Variants in CMTM8 observed in about 807,000 individuals in gnomAD.
The protein encoded by CMTM8 is CKLF-like MARVEL transmembrane domain-containing protein 8.
CMTM8 carries 12 observed loss-of-function variants against 18.6 expected under a neutral mutation model. The ratio of observed to expected loss-of-function variants is 0.65; its 90% CI spans 0.41 to 1.05. The LOEUF (loss-of-function observed/expected upper bound fraction) is 1.05, where lower values mean the gene tolerates loss of function less well. Among genes scored for constraint, CMTM8 ranks in the 50% least tolerant of loss-of-function variants. The pLI is 0.00. For missense variants in CMTM8, 217 were observed against 227.2 expected, an observed-to-expected ratio of 0.95 and a Z score of 0.29; for synonymous variants, 87 against 90.6, an observed-to-expected ratio of 0.96 and a Z score of 0.23.
intron 1 of CMTM8, among the ~76,000 whole-genome samples, chr3:32,281,940 C>T (rs1333230765): frequency 6.6e-6 from 1 of 152,146 alleles, no homozygotes; most frequent in East Asian, 1.9e-4. Flanking sequence ...CCTTATCTCC[C>T]CAACTGTAAA....
intron 1 of CMTM8, among the ~76,000 whole-genome samples, chr3:32,286,409 C>T (rs1054472140): frequency 6.6e-6 from 1 of 152,158 alleles, no homozygotes; most frequent in Non-Finnish European, 1.5e-5. Context: ...TTTTGGCAAG[C>T]TCCTTCTCCA....
At chr3:32,323,110 G>A (rs9845050) in intron 1 of CMTM8, among the ~76,000 whole-genome samples, 3,026 of 152,306 alleles carry the variant, frequency 0.02, 119 homozygotes, top group African/African-American at 0.069. Flanking sequence ...ATATTCAGAT[G>A]CTTTGGTGGC....
intron 1 of CMTM8, among the ~76,000 whole-genome samples, chr3:32,334,913 A>G (rs115761380): frequency 0.017 from 2,611 of 152,030 alleles, 34 homozygotes; most frequent in South Asian, 0.045. Context: ...GCCAACTCCT[A>G]CCTTCCAGAA....
At chr3:32,281,813 A>G (rs922135471) in intron 1 of CMTM8, among the ~76,000 whole-genome samples, 2 of 152,144 alleles carry the variant, frequency 1.3e-5, no homozygotes, top group Non-Finnish European at 2.9e-5. Flanking sequence ...ACATTGACAC[A>G]GTTGACCCCT....
At position 32,357,536 on chromosome 3, in the gene CMTM8, G is replaced by C; in HGVS notation, c.311G>C (p.Trp104Ser). Residue 104 changes from tryptophan (W) to serine (S), a missense_variant, in exon 2 of 4, where the codon TGG becomes TCG. Transcript: ENST00000307526. Reference sequence around the variant, plus strand: ...TACACCAGGATTCCCCAGGTGCCCTGGACAACAGTGGTAAGGAAGCTGTGG... The same window carrying C: ...TACACCAGGATTCCCCAGGTGCCCTCGACAACAGTGGTAAGGAAGCTGTGG... ...MTYTRIPQVP[W>S]TTVGLCFNGS... 1.9e-6 allele frequency: 3 copies of C among 1,614,036 alleles called. No individual in the cohort carries two copies. Among genetic ancestry groups the C allele is most frequent in the Non-Finnish European group, 2.5e-6 (3 of 1,179,950 alleles).
At chr3:32,252,508 A>T (rs1702125292) in intron 1 of CMTM8, among the ~76,000 whole-genome samples, 1 of 152,190 alleles carries the variant, frequency 6.6e-6, no homozygotes, top group African/African-American at 2.4e-5. Context: ...GGAATGTTGT[A>T]TCTCTTCATT....
intron 1 of CMTM8, among the ~76,000 whole-genome samples, chr3:32,355,088 C>A (rs946572469): frequency 1.3e-5 from 2 of 152,192 alleles, no homozygotes; most frequent in South Asian, 4.1e-4. Context: ...TGCTCCCTGG[C>A]ACAGGCACCA....
intron 1 of CMTM8, among the ~76,000 whole-genome samples, chr3:32,313,305 G>T (rs1695855642): frequency 6.6e-6 from 1 of 152,108 alleles, no homozygotes; most frequent in African/African-American, 2.4e-5. Context: ...ACAGGGTGGG[G>T]CCTTGGAAAT....
chr3:32,323,557 A>G (rs2125578997), intron 1 of CMTM8, among the ~76,000 whole-genome samples: 1 of 152,260 alleles, frequency 6.6e-6, no homozygotes, highest in East Asian at 1.9e-4. Context: ...TTGTTCTTGG[A>G]CCAGAGACCG....
intron 1 of CMTM8, among the ~76,000 whole-genome samples, chr3:32,270,076 C>T (rs1031452378): frequency 6.6e-6 from 1 of 151,642 alleles, no homozygotes; most frequent in Non-Finnish European, 1.5e-5. Flanking sequence ...ACCAAGCTAC[C>T]TGGCTAATTA....
chr3:32,264,222 G>A (rs1215785422), intron 1 of CMTM8, among the ~76,000 whole-genome samples: 1 of 152,194 alleles, frequency 6.6e-6, no homozygotes, highest in African/African-American at 2.4e-5. Flanking sequence ...TACCCACGAG[G>A]GGAAGCCCAT....
At chr3:32,270,541 T>TA (rs912691670) in intron 1 of CMTM8, among the ~76,000 whole-genome samples, 15 of 152,280 alleles carry the variant, frequency 9.9e-5, no homozygotes, top group African/African-American at 3.4e-4. Context: ...TATGCAGCCA[T>TA]AAAAAATGAT....
chr3:32,275,181 T>C (rs562007995), intron 1 of CMTM8, among the ~76,000 whole-genome samples: 35 of 151,238 alleles, frequency 2.3e-4, no homozygotes, highest in Non-Finnish European at 4.3e-4. Flanking sequence ...ACTTGGGTGT[T>C]TGGTTTTTTT....
chr3:32,295,455 C>CAAA (rs1400148634), intron 1 of CMTM8, among the ~76,000 whole-genome samples: 458 of 27,446 alleles, frequency 0.017, 61 homozygotes, highest in East Asian at 0.026. Context: ...GACTCCATCT[C>CAAA]AAAAAAAAAA....
chr3:32,351,098 AAATAC>A (rs1471743825), intron 1 of CMTM8, among the ~76,000 whole-genome samples: 1 of 152,240 alleles, frequency 6.6e-6, no homozygotes, highest in Non-Finnish European at 1.5e-5. Flanking sequence ...AAAATACATG[AAATAC>A]ATGTTGAAGC....
At chr3:32,239,402 A>AGCTT (rs1701915371) in intron 1 of CMTM8, among the ~76,000 whole-genome samples, 1 of 151,928 alleles carries the variant, frequency 6.6e-6, no homozygotes, top group Non-Finnish European at 1.5e-5. Flanking sequence ...GGGAGCAGGA[A>AGCTT]GCTTGGCTTA....
intron 1 of CMTM8, among the ~76,000 whole-genome samples, chr3:32,270,468 C>G (rs190881751): frequency 2.7e-4 from 41 of 152,288 alleles, no homozygotes; most frequent in African/African-American, 8.7e-4. Flanking sequence ...TTGGAACCAA[C>G]CCAAATGTCC....
At chr3:32,298,578 A>C (rs1695534817) in intron 1 of CMTM8, among the ~76,000 whole-genome samples, 1 of 151,552 alleles carries the variant, frequency 6.6e-6, no homozygotes, top group East Asian at 1.9e-4. Context: ...AAATTGAAAC[A>C]ATCCTGACTT....
At chr3:32,275,932 A>T (rs1190189074) in intron 1 of CMTM8, among the ~76,000 whole-genome samples, 1 of 151,982 alleles carries the variant, frequency 6.6e-6, no homozygotes, top group Non-Finnish European at 1.5e-5. Context: ...CACAGGTGTG[A>T]GTTACCACTC....
Sources: allele counts gnomAD v4.1 joint callset (sites outside exome capture counted in the v4.1 genomes callset), GRCh38; gene constraint gnomAD v4.1.1; transcripts MANE v1.5; gene names NCBI Gene and HGNC (gene_info 2026-07-23, HGNC 2026-07-21).